The following DNAJC3 variants were observed in gnomAD, a reference collection of about 807,000 sequenced individuals.
DNAJC3 encodes the protein dnaJ homolog subfamily C member 3.
Under a neutral mutation model 68.6 loss-of-function variants are expected in DNAJC3, and 38 were observed. That is an observed-to-expected ratio of 0.55 (90% CI 0.43 to 0.73). DNAJC3 has a LOEUF of 0.73. DNAJC3 is among the 30% of genes least tolerant of loss of function. The probability of loss-of-function intolerance (pLI) is 0.00; values close to 1 mark genes in which losing one functional copy is unlikely to be tolerated. For missense variants in DNAJC3, 526 were observed against 591.9 expected (o/e 0.89, Z 1.16); for synonymous variants, 203 against 204.0 (o/e 1.00, Z 0.04).
chr13:95,784,990 T>G (rs1883556094), intron 9 of DNAJC3, among the ~76,000 whole-genome samples: 1 of 152,158 alleles, frequency 6.6e-6, no homozygotes, highest in Non-Finnish European at 1.5e-5. Flanking sequence ...ATAAAAGATG[T>G]AATGTGGATA....
intron 1 of DNAJC3, chr13:95,693,031 AG>A (rs1312100066): frequency 6.6e-6 from 1 of 152,234 alleles, no homozygotes; most frequent in Admixed American, 6.5e-5. Flanking sequence ...CATGTTAGCC[AG>A]GATGGTCTCG....
chr13:95,745,692 T>G (rs1294026966), intron 4 of DNAJC3: 2 of 152,268 alleles, frequency 1.3e-5, no homozygotes, highest in African/African-American at 4.8e-5. Flanking sequence ...TGGATATGCC[T>G]GTGGTCCCTA....
chr13:95,780,653 T>C (rs749843741), intron 9 of DNAJC3, among the ~76,000 whole-genome samples: 2 of 148,432 alleles, frequency 1.3e-5, no homozygotes, highest in Non-Finnish European at 2.9e-5. Context: ...TTTTGTGTGA[T>C]ATGTTTCTTT....
intron 1 of DNAJC3, among the ~76,000 whole-genome samples, chr13:95,681,819 C>T (rs1166072308): frequency 2.6e-5 from 4 of 152,238 alleles, no homozygotes; most frequent in Non-Finnish European, 5.9e-5. Context: ...CTCTCCCCTA[C>T]CTCATTCTTT....
rs1880412601 is a variant in DNAJC3, at chr13:95,695,515, T to C, written c.83-13712T>C. 3 of 152,380 alleles carry C rather than the reference T, an allele frequency of 2.0e-5. No individual in the cohort carries two copies. In the South Asian group the frequency reaches 6.2e-4, roughly 32 times the overall value. The allele number at this position is 152,380 out of a possible 1,614,324, so 9.4% of individuals were successfully genotyped here. A position where few individuals can be genotyped will look rare whatever the true frequency, so the allele number is the denominator to read the frequency against. On this transcript the variant is annotated intron_variant, in intron 1 of 11. Coordinates refer to ENST00000602402, the MANE Select transcript of DNAJC3 (RefSeq NM_006260.5). ...CATACGTTCAAACAACAAAGCATAA[T>C]ATTCTGCCCATTAAGTCAATGCCTG...
intron 11 of DNAJC3, among the ~76,000 whole-genome samples, chr13:95,789,114 C>CTATT (rs1210704595): frequency 1.3e-5 from 2 of 152,014 alleles, no homozygotes; most frequent in Non-Finnish European, 2.9e-5. Flanking sequence ...TCTGCATTCT[C>CTATT]TATTTTCCAT....
rs1226556031 is a variant in DNAJC3 at position 95,725,220 on chromosome 13, C to T, written c.361C>T (p.Leu121Phe). The T allele has an allele frequency of 6.3e-7, 1 of 1,595,074 alleles. No homozygotes were observed. Among genetic ancestry groups the T allele is most frequent in the East Asian group, 2.3e-5 (1 of 43,966 alleles). The change falls in exon 4 of 12, where the codon CTT becomes TTT. Residue 121 changes from leucine to phenylalanine, a missense_variant. Physicochemically the swap from Leu to Phe is conservative, Grantham distance 22. Transcript: ENST00000602402. ...TCACTTATTACTCAAACAAGGAAAA[C>T]TTGATGAAGCAGAAGATGATTTTAA... ...RGHLLLKQGK[L>F]DEAEDDFKKV...
chr13:95,688,351 T>A (rs1186776780), intron 1 of DNAJC3, among the ~76,000 whole-genome samples: 2 of 152,064 alleles, frequency 1.3e-5, no homozygotes, highest in Admixed American at 6.6e-5. Context: ...TTGTCTTTTC[T>A]AGTTTTCAAG....
intron 9 of DNAJC3, among the ~76,000 whole-genome samples, chr13:95,770,944 C>G (rs1024711676): frequency 2.6e-5 from 4 of 152,096 alleles, no homozygotes; most frequent in African/African-American, 9.7e-5. Context: ...AACCCTCCCC[C>G]CAACATTTTA....
intron 9 of DNAJC3, among the ~76,000 whole-genome samples, chr13:95,764,193 C>T (rs1397325098): frequency 6.6e-6 from 1 of 151,580 alleles, no homozygotes; most frequent in African/African-American, 2.4e-5. Context: ...AATATTTTAG[C>T]TTTTTTTGTA....
chr13:95,726,072 CGTT>C (rs1566485836), intron 4 of DNAJC3, among the ~76,000 whole-genome samples: 1 of 151,778 alleles, frequency 6.6e-6, no homozygotes, highest in Non-Finnish European at 1.5e-5. Context: ...TCCAGTCTAT[CGTT>C]GTTGGACATT....
chr13:95,703,961 T>C (rs1880648626), intron 1 of DNAJC3, among the ~76,000 whole-genome samples: 1 of 152,212 alleles, frequency 6.6e-6, no homozygotes. Context: ...TAGTATGACA[T>C]GCCCTAGGCA....
At chr13:95,742,598 C>G (rs1168880706) in intron 4 of DNAJC3, 2 of 484,290 alleles carry the variant, frequency 4.1e-6, no homozygotes, top group African/African-American at 4.0e-5. Context: ...CCCAGCCAAG[C>G]AGGCTGCCTC....
In DNAJC3 at chr13:95,790,908, T is replaced by C. The variant is rs1288885074; in HGVS notation, c.1393T>C (p.Leu465=). 1 of 1,606,714 alleles carries C rather than the reference T, an allele frequency of 6.2e-7. No individual in the cohort carries two copies. The highest frequency in any genetic ancestry group is 1.1e-5 in the South Asian group (1 of 89,118). ...RKKFDDGEDP[L]DAESQQGGGG... Reference sequence around the variant, plus strand: ...GAAGTTTGACGACGGAGAAGATCCTTTGGATGCAGAGAGCCAGCAAGGAGG... The same window carrying C: ...GAAGTTTGACGACGGAGAAGATCCTCTGGATGCAGAGAGCCAGCAAGGAGG... The change falls in exon 12 of 12, where the codon TTG becomes CTG. Residue 465 remains leucine (L), a synonymous_variant. Transcript: ENST00000602402.
intron 2 of DNAJC3, among the ~76,000 whole-genome samples, chr13:95,714,028 A>G (rs988018116): frequency 6.6e-6 from 1 of 152,210 alleles, no homozygotes; most frequent in Non-Finnish European, 1.5e-5. Context: ...ATATACGGAG[A>G]ACTTCTATCG....
intron 1 of DNAJC3, among the ~76,000 whole-genome samples, chr13:95,687,112 A>T (rs539497625): frequency 6.6e-6 from 1 of 152,034 alleles, no homozygotes; most frequent in Non-Finnish European, 1.5e-5. Flanking sequence ...TTTCCTAGGT[A>T]TTTTATTTTT....
chr13:95,729,012 G>C (rs942773226), intron 4 of DNAJC3, among the ~76,000 whole-genome samples: 8 of 151,974 alleles, frequency 5.3e-5, no homozygotes, highest in African/African-American at 1.7e-4. Flanking sequence ...AACTCTGTGA[G>C]AGTAACTTTT....
chr13:95,758,837 A>G (rs2139673919), intron 5 of DNAJC3, among the ~76,000 whole-genome samples: 1 of 152,330 alleles, frequency 6.6e-6, no homozygotes, highest in African/African-American at 2.4e-5. Context: ...TTTTGGCTCT[A>G]AACTTATGAT....
At chr13:95,685,346 T>A (rs935723698) in intron 1 of DNAJC3, among the ~76,000 whole-genome samples, 3 of 152,234 alleles carry the variant, frequency 2.0e-5, no homozygotes, top group South Asian at 2.1e-4. Flanking sequence ...GCCCGTAGCC[T>A]TTTTCTTTTG....
Sources: allele counts gnomAD v4.1 joint callset (sites outside exome capture counted in the v4.1 genomes callset), GRCh38; gene constraint gnomAD v4.1.1; transcripts MANE v1.5; gene names NCBI Gene and HGNC (gene_info 2026-07-23, HGNC 2026-07-21).